The following MAP3K11 variants were observed in gnomAD, a reference collection of about 807,000 sequenced individuals.
MAP3K11 encodes the protein mitogen-activated protein kinase kinase kinase 11.
In MAP3K11, 46 loss-of-function variants were observed where a neutral mutation model predicts 84.9. That is an observed-to-expected ratio of 0.54 (90% confidence interval 0.43 to 0.69). The LOEUF (loss-of-function observed/expected upper bound fraction) is 0.69, where lower values mean the gene tolerates loss of function less well. Ranked by LOEUF, MAP3K11 falls within the 30% of genes least tolerant of loss-of-function variation. MAP3K11 has a pLI of 0.00. For missense variants in MAP3K11, 1,053 were observed against 1,198.3 expected (o/e 0.88, Z 1.79); for synonymous variants, 527 against 514.7 (o/e 1.02, Z -0.32).
At position 65,597,847 on chromosome 11, in the gene MAP3K11, T is replaced by C. The variant is rs948577; in HGVS notation, c.*444A>G. ...CCCTGGCTGGGGCAGCAGGAAGGCA[T>C]CCAGAGAGCCCTGGCCCCAGATGAC... On this transcript the variant is annotated 3_prime_UTR_variant, in exon 10 of 10. Coordinates refer to ENST00000309100, the MANE Select transcript of MAP3K11 (RefSeq NM_002419.4). The C allele has an allele frequency of 0.2, 32,589 of 161,326 alleles. 3,680 individuals carry two copies. The highest frequency in any genetic ancestry group is 0.31 in the Middle Eastern group (105 of 336). 10.0% of individuals were successfully genotyped at this position (161,326 alleles called of 1,614,324 possible).
intron 1 of MAP3K11, 181 bp from the exon 2 acceptor site, chr11:65,608,629 T>C (rs2135371656): frequency 1.7e-6 from 1 of 593,316 alleles, no homozygotes; most frequent in Non-Finnish European, 3.0e-6. Context: ...CTTTTTTTTT[T>C]TTCTTAAGAT....
chr11:65,608,098 C>A (rs1241371691), intron 2 of MAP3K11, 28 bp from the exon 3 acceptor site: 1 of 1,608,056 alleles, frequency 6.2e-7, no homozygotes, highest in Non-Finnish European at 8.5e-7. Flanking sequence ...GGTCTGTGTT[C>A]CCTTTTCTCT....
At chr11:65,603,635 G>C (rs1314598832) in intron 8 of MAP3K11, among the ~76,000 whole-genome samples, 2 of 152,238 alleles carry the variant, frequency 1.3e-5, no homozygotes, top group Non-Finnish European at 2.9e-5. Context: ...GTTTCGGGGG[G>C]TGGCTGTGAG....
In MAP3K11 at chr11:65,599,409, C is replaced by A. The variant is rs1854422732; in HGVS notation, c.2191G>T (p.Glu731Ter). 2 of 1,534,546 alleles carry A rather than the reference C, an allele frequency of 1.3e-6. No homozygotes were observed. The highest frequency in any genetic ancestry group is 2.4e-5 in the Admixed American group (1 of 41,710). ...GQRSAKSPRR[E>*]EEPRGGTVSP... ...GGCCACTCACCGCGGGGCTCCTCCT[C>A]ACGTCGGGGGCTCTTGGCTGACCGC... The change falls in exon 9 of 10, where the codon GAG becomes TAG. Residue 731 changes from glutamate (E) to a stop codon, truncating the protein, a stop_gained. Transcript: ENST00000309100. LOFTEE classifies it high-confidence loss of function.
At chr11:65,610,361 C>T (rs1012721643) in intron 1 of MAP3K11, 1 of 152,248 alleles carries the variant, frequency 6.6e-6, no homozygotes, top group African/African-American at 2.4e-5. Context: ...ATGGCTGTCA[C>T]GAGCATGAAA....
In MAP3K11 at chr11:65,599,684, T is replaced by G. The variant is rs1397478572; in HGVS notation, c.1916A>C (p.Lys639Thr). Reference protein sequence around the residue: ...AERGSSSGTPKLIQRALLRGT... With the variant: ...AERGSSSGTPTLIQRALLRGT... ...GCGCAGCAGCGCCCGCTGGATCAGC[T>G]TGGGCGTCCCAGAGCTGCTACCGCG... Residue 639 changes from lysine (K) to threonine (T), a missense_variant, in exon 9 of 10, where the codon AAG becomes ACG. Lys to Thr is a moderately conservative substitution (Grantham distance 78, BLOSUM62 -1). Around this residue, in one of 3 missense-constraint regions of MAP3K11, gnomAD observed 583 missense variants for 566.6 expected, o/e 1.03. Coordinates refer to ENST00000309100, the MANE Select transcript of MAP3K11 (RefSeq NM_002419.4). 4.5e-6 allele frequency: 7 copies of G among 1,564,222 alleles called. No homozygotes were observed. The highest frequency in any genetic ancestry group is 6.0e-6 in the Non-Finnish European group (7 of 1,161,414).
chr11:65,612,734 C>T, intron 1 of MAP3K11: 1 of 334,980 alleles, frequency 3.0e-6, no homozygotes, highest in Non-Finnish European at 5.4e-6. Flanking sequence ...CATGGCTGGG[C>T]AGGATGCTTA....
chr11:65,607,533 G>A lies in MAP3K11; in HGVS notation c.1246-20C>T, dbSNP rs1422848144. The A allele has an allele frequency of 6.4e-7, 1 of 1,554,442 alleles. No individual in the cohort carries two copies. Among genetic ancestry groups the A allele is most frequent in the Non-Finnish European group, 8.6e-7 (1 of 1,156,816 alleles). On this transcript the variant is annotated intron_variant, in intron 4 of 9. Transcript: ENST00000309100. Reference sequence around the variant, plus strand: ...TAGTTCCTGCGCCCGAGACAGCGATGGTGGAGAGGTCAGCCTGGCACCAAT... The same window carrying A: ...TAGTTCCTGCGCCCGAGACAGCGATAGTGGAGAGGTCAGCCTGGCACCAAT...
intron 8 of MAP3K11, 99 bp downstream of exon 8, chr11:65,605,662 G>A (rs1323546630): frequency 4.9e-6 from 4 of 815,372 alleles, no homozygotes; most frequent in Admixed American, 6.0e-5. Flanking sequence ...GAGCAACCAG[G>A]GCAGGACTCC....
At chr11:65,601,341 C>A (rs942708984) in intron 8 of MAP3K11, among the ~76,000 whole-genome samples, 2 of 152,208 alleles carry the variant, frequency 1.3e-5, no homozygotes, top group African/African-American at 4.8e-5. Flanking sequence ...TCTCCCTGAA[C>A]CTACACAGTT....
At chr11:65,600,488 G>C (rs562218156) in intron 8 of MAP3K11, among the ~76,000 whole-genome samples, 72 of 152,190 alleles carry the variant, frequency 4.7e-4, no homozygotes, top group Non-Finnish European at 9.7e-4. Flanking sequence ...GTGAAAGGTG[G>C]AGCCGGCCTC....
intron 8 of MAP3K11, among the ~76,000 whole-genome samples, chr11:65,602,968 T>C (rs1854471403): frequency 6.6e-6 from 1 of 152,150 alleles, no homozygotes. Context: ...TAGCCAAGCA[T>C]GGCATGCACC....
intron 6 of MAP3K11, chr11:65,606,443 A>G: frequency 2.4e-6 from 1 of 423,054 alleles, no homozygotes; most frequent in East Asian, 3.6e-5. Context: ...TTATTGCAAG[A>G]AATTAATATT....
chr11:65,603,940 GCT>G (rs772414583), intron 8 of MAP3K11, among the ~76,000 whole-genome samples: 7 of 152,194 alleles, frequency 4.6e-5, no homozygotes, highest in Non-Finnish European at 8.8e-5. Flanking sequence ...GGGGGCTGCG[GCT>G]CTCTCAGTTT....
chr11:65,599,886 C>T lies in MAP3K11; in HGVS notation c.1832-118G>A, dbSNP rs1697872405. On this transcript the variant is annotated intron_variant, in intron 8 of 9. Transcript: ENST00000309100. Reference sequence around the variant, plus strand: ...GTTCTGCCCTCTACTAGCATCTTCCCTGGTCCCACAGGTCCCATGGCCTCC... The same window carrying T: ...GTTCTGCCCTCTACTAGCATCTTCCTTGGTCCCACAGGTCCCATGGCCTCC... The T allele has an allele frequency of 3.5e-6, 4 of 1,131,354 alleles. No individual in the cohort carries two copies. The South Asian group carries it at 5.7e-5, about 16-fold the overall frequency. The allele number at this position is 1,131,354 out of a possible 1,614,324, so 70.1% of individuals were successfully genotyped here.
In MAP3K11 at chr11:65,614,012, T is replaced by G. The variant is rs1426432900; in HGVS notation, c.-256A>C. Reference sequence around the variant, plus strand: ...CCCCGGGGCCTCCGGCGCCTCACCATGGCTAGCTTGGAGGGACCCGAGCTT... The same window carrying G: ...CCCCGGGGCCTCCGGCGCCTCACCAGGGCTAGCTTGGAGGGACCCGAGCTT... On this transcript the variant is annotated 5_prime_UTR_variant, in exon 1 of 10. The change abolishes an upstream ATG in the 5' untranslated region. Transcript: ENST00000309100. The G allele has an allele frequency of 1.4e-4, 72 of 498,252 alleles. No homozygotes were observed. Among genetic ancestry groups the G allele is most frequent in the Non-Finnish European group, 1.8e-4 (51 of 280,660 alleles). The allele number at this position is 498,252 out of a possible 1,614,324, so 30.9% of individuals were successfully genotyped here. A position where few individuals can be genotyped will look rare whatever the true frequency, so the allele number is the denominator to read the frequency against.
Position 65,606,034 on chromosome 11 carries a change from G to T in MAP3K11, c.1651C>A (p.Arg551Ser). The change falls in exon 7 of 10, where the codon CGT becomes AGT. Residue 551 changes from arginine to serine, a missense_variant. Physicochemically the swap from Arg to Ser is moderately radical, Grantham distance 110. Around this residue, in one of 3 missense-constraint regions of MAP3K11, gnomAD observed 583 missense variants for 566.6 expected, o/e 1.03. Transcript: ENST00000309100. The part of the protein sequence containing the change: ...GQAWGRQSPR[R>S]LEDSSNGERR... Reference sequence around the variant, plus strand: ...TCTCCATTGCTTGAGTCCTCCAGACGTCGGGGGGACTGGCGGCCCCATGCC... The same window carrying T: ...TCTCCATTGCTTGAGTCCTCCAGACTTCGGGGGGACTGGCGGCCCCATGCC... 6.3e-7 allele frequency: 1 copy of T among 1,593,076 alleles called. No individual in the cohort carries two copies. The highest frequency in any genetic ancestry group is 2.3e-5 in the East Asian group (1 of 43,904).
chr11:65,604,921 C>G (rs1369174077), intron 8 of MAP3K11, among the ~76,000 whole-genome samples: 1 of 152,100 alleles, frequency 6.6e-6, no homozygotes, highest in Non-Finnish European at 1.5e-5. Context: ...CAGTGTTGAG[C>G]TGAGTGAGCC....
In MAP3K11 at chr11:65,613,650, G is replaced by A; in HGVS notation, c.107C>T (p.Pro36Leu). The change falls in exon 1 of 10, where the codon CCA (proline) becomes CTA (leucine). Residue 36 changes from proline to leucine, a missense_variant. Physicochemically the swap from Pro to Leu is moderately conservative, Grantham distance 98 (BLOSUM62 -3). Transcript: ENST00000309100. ...GGGGGRPEGS[P>L]KAAGYANPVW... ...CGGGTTGGCATAACCCGCTGCCTTT[G>A]GAGACCCCTCAGGCCGGCCTCCTCC... 1 of 1,612,788 alleles carries A rather than the reference G, an allele frequency of 6.2e-7. No homozygotes were observed. Among genetic ancestry groups the A allele is most frequent in the Non-Finnish European group, 8.5e-7 (1 of 1,179,988 alleles).
Sources: allele counts gnomAD v4.1 joint callset (sites outside exome capture counted in the v4.1 genomes callset), GRCh38; gene constraint gnomAD v4.1.1; regional missense constraint gnomAD v4.1.1; transcripts MANE v1.5; gene names NCBI Gene and HGNC (gene_info 2026-07-23, HGNC 2026-07-21).